The following PIAS1 variants were observed in gnomAD, a reference collection of about 807,000 sequenced individuals.
PIAS1 encodes E3 SUMO-protein ligase PIAS1.
In PIAS1, 6 loss-of-function variants were observed where a neutral mutation model predicts 71.3. That is an observed-to-expected ratio of 0.08 (90% CI 0.05 to 0.17). The LOEUF is 0.17. PIAS1 is among the 10% of genes least tolerant of loss of function. PIAS1 has a pLI of 1.00. For missense variants in PIAS1, 555 were observed against 793.6 expected (o/e 0.70, Z 3.61); for synonymous variants, 303 against 292.9 (o/e 1.03, Z -0.35).
intron 4 of PIAS1, among the ~76,000 whole-genome samples, 198 bp downstream of exon 4, chr15:68,142,535 T>A (rs137870947): frequency 1.2e-4 from 18 of 152,230 alleles, no homozygotes; most frequent in Admixed American, 3.3e-4. Context: ...ATAAGTGTAT[T>A]GAAAATATTA....
intron 6 of PIAS1, among the ~76,000 whole-genome samples, chr15:68,152,095 A>G (rs1189268252): frequency 6.6e-6 from 1 of 150,948 alleles, no homozygotes; most frequent in Non-Finnish European, 1.5e-5. Flanking sequence ...GACTACAGGC[A>G]CGTGCTACCA....
intron 2 of PIAS1, among the ~76,000 whole-genome samples, chr15:68,140,457 C>T (rs528854940): frequency 1.3e-5 from 2 of 152,212 alleles, no homozygotes; most frequent in Admixed American, 6.5e-5. Context: ...CATTCTGGGC[C>T]TTAGTTATTG....
chr15:68,191,319 A>G lies in PIAS1; in HGVS notation c.*3484A>G, dbSNP rs1424814667. ...GCCAAACCAGTAAAATGGCTTTTAA[A>G]AATGTATAGTAGACAATGTCAGTTT... is the stretch of plus-strand genomic sequence containing the variant. On this transcript the variant is annotated 3_prime_UTR_variant, in exon 14 of 14. Coordinates refer to ENST00000249636, the MANE Select transcript of PIAS1 (RefSeq NM_016166.3). 1 of 152,686 alleles carries G rather than the reference A, an allele frequency of 6.5e-6. No individual in the cohort carries two copies. The highest frequency in any genetic ancestry group is 2.4e-5 in the African/African-American group (1 of 41,478). The allele number at this position is 152,686 out of a possible 1,614,324, so 9.5% of individuals were successfully genotyped here.
chr15:68,164,330 A>G (rs1360538924), intron 7 of PIAS1, among the ~76,000 whole-genome samples: 2 of 152,114 alleles, frequency 1.3e-5, no homozygotes, highest in Non-Finnish European at 2.9e-5. Context: ...CTTATTATTA[A>G]TGTCCTCGAA....
Position 68,191,633 on chromosome 15 carries a change from C to T in PIAS1, c.*3798C>T, listed in dbSNP as rs2093120774. 1 of 152,604 alleles carries T rather than the reference C, an allele frequency of 6.6e-6. No individual in the cohort carries two copies. The highest frequency in any genetic ancestry group is 2.1e-4 in the South Asian group (1 of 4,834). 9.5% of individuals were successfully genotyped at this position (152,604 alleles called of 1,614,324 possible). A position where few individuals can be genotyped will look rare whatever the true frequency, so the allele number is the denominator to read the frequency against. On this transcript the variant is annotated 3_prime_UTR_variant, in exon 14 of 14. Transcript: ENST00000249636. ...CTTTGAGGTAAGTAATGAATATAGC[C>T]ATCATTTCCCTTTCTTGTTGAAATA... is the stretch of plus-strand genomic sequence containing the variant.
intron 2 of PIAS1, among the ~76,000 whole-genome samples, chr15:68,092,491 T>C (rs538653512): frequency 2.6e-5 from 4 of 152,294 alleles, no homozygotes; most frequent in African/African-American, 9.6e-5. Context: ...GTGTTATTTC[T>C]AATGTTCTAA....
intron 1 of PIAS1, among the ~76,000 whole-genome samples, chr15:68,085,889 A>G (rs2092276851): frequency 6.6e-6 from 1 of 152,202 alleles, no homozygotes; most frequent in Non-Finnish European, 1.5e-5. Flanking sequence ...TGTTTCATAT[A>G]TACTTATAAT....
In PIAS1 at chr15:68,175,764, G is replaced by A. The variant is rs746755989; in HGVS notation, c.1297G>A (p.Asp433Asn). Residue 433 changes from aspartate (D) to asparagine (N), a missense_variant, in exon 10 of 14, where the codon GAT (aspartate) becomes AAT (asparagine). By Grantham distance (23) the Asp-to-Asn change is conservative (BLOSUM62 1). This residue lies in a region of PIAS1 where 244 missense variants were observed against 307.5 expected (regional missense o/e 0.79). Transcript: ENST00000249636. ...QEVSASYNGVDGCLSSTLEHQ... is the reference protein window; with the variant it reads ...QEVSASYNGVNGCLSSTLEHQ... ...AGTTTCTGCCTCTTACAATGGAGTCGATGGTGAGTAGTTCTTCACAAGGAA... is the reference window on the plus strand; with the variant it reads ...AGTTTCTGCCTCTTACAATGGAGTCAATGGTGAGTAGTTCTTCACAAGGAA... 7 of 1,600,404 alleles carry A rather than the reference G, an allele frequency of 4.4e-6. No homozygotes were observed. In the Admixed American group the frequency reaches 6.8e-5, roughly 16 times the overall value.
chr15:68,180,098 G>C (rs181052161), intron 11 of PIAS1, among the ~76,000 whole-genome samples: 1 of 151,750 alleles, frequency 6.6e-6, no homozygotes, highest in Non-Finnish European at 1.5e-5. Context: ...AATTAGCTTT[G>C]TTTTTGTTTT....
At chr15:68,064,468 T>C (rs753197882) in intron 1 of PIAS1, among the ~76,000 whole-genome samples, 8 of 152,226 alleles carry the variant, frequency 5.3e-5, no homozygotes, top group Non-Finnish European at 8.8e-5. Flanking sequence ...CAATGCATGA[T>C]ATTACAAAAT....
At chr15:68,083,596 C>T (rs550899680) in intron 1 of PIAS1, among the ~76,000 whole-genome samples, 6 of 152,008 alleles carry the variant, frequency 3.9e-5, no homozygotes, top group Admixed American at 2.0e-4. Context: ...GCATGTGGTT[C>T]GTTTCCTCTT....
At chr15:68,103,345 T>A (rs1212369456) in intron 2 of PIAS1, among the ~76,000 whole-genome samples, 4 of 135,854 alleles carry the variant, frequency 2.9e-5, no homozygotes, top group Non-Finnish European at 6.5e-5. Context: ...TTTTTTTTTT[T>A]AAGCTTTTCG....
At chr15:68,119,744 A>G (rs2141018660) in intron 2 of PIAS1, among the ~76,000 whole-genome samples, 1 of 152,318 alleles carries the variant, frequency 6.6e-6, no homozygotes, top group East Asian at 1.9e-4. Context: ...CAGTTGTTCT[A>G]TCACTTATTG....
At chr15:68,156,700 C>A (rs2092891552) in intron 7 of PIAS1, among the ~76,000 whole-genome samples, 3 of 130,266 alleles carry the variant, frequency 2.3e-5, no homozygotes, top group East Asian at 2.4e-4. Flanking sequence ...CAGAGAGAGA[C>A]ACTGTCTTTA....
intron 1 of PIAS1, among the ~76,000 whole-genome samples, chr15:68,056,989 C>T (rs2091903252): frequency 6.6e-6 from 1 of 152,104 alleles, no homozygotes; most frequent in Non-Finnish European, 1.5e-5. Context: ...TTACATAAAA[C>T]TCAGTGACTT....
At chr15:68,181,072 A>G in intron 11 of PIAS1, 140 bp from the exon 12 acceptor site, 1 of 651,050 alleles carries the variant, frequency 1.5e-6, no homozygotes, top group Non-Finnish European at 2.7e-6. Flanking sequence ...GTATAATCTA[A>G]ATTATACATT....
intron 2 of PIAS1, among the ~76,000 whole-genome samples, chr15:68,113,381 A>G (rs780244380): frequency 1.3e-5 from 2 of 152,234 alleles, no homozygotes; most frequent in African/African-American, 2.4e-5. Context: ...AAGAAAATCA[A>G]TATCCCAATT....
At chr15:68,073,647 G>A (rs1288026003) in intron 1 of PIAS1, among the ~76,000 whole-genome samples, 1 of 152,126 alleles carries the variant, frequency 6.6e-6, no homozygotes, top group Non-Finnish European at 1.5e-5. Flanking sequence ...GATAGGAGGG[G>A]GGAGAAGAGC....
Position 68,082,465 on chromosome 15 carries a change from T to C in PIAS1, c.25-3841T>C, listed in dbSNP as rs769789498. 3.3e-5 allele frequency among the ~76,000 whole-genome samples: 5 copies of C among 152,286 alleles called. No homozygotes were observed. In the East Asian group the frequency reaches 5.8e-4, roughly 18 times the overall value. The stretch of plus-strand genomic sequence containing the variant: ...TATATTGAGAAGAAAGTTAATACTT[T>C]TAGCTGTTTGCAGATGAATTAGCAG... On this transcript the variant is annotated intron_variant, in intron 1 of 13. Coordinates refer to ENST00000249636, the MANE Select transcript of PIAS1 (RefSeq NM_016166.3).
Sources: allele counts gnomAD v4.1 joint callset (sites outside exome capture counted in the v4.1 genomes callset), GRCh38; gene constraint gnomAD v4.1.1; regional missense constraint gnomAD v4.1.1; transcripts MANE v1.5; gene names NCBI Gene and HGNC (gene_info 2026-07-23, HGNC 2026-07-21).